Variants in RCAN2 observed in about 807,000 individuals in gnomAD.
RCAN2 encodes the protein regulator of calcineurin 2.
In RCAN2, 9 loss-of-function variants were observed where a neutral mutation model predicts 23.6. The observed-to-expected ratio is 0.38, with a 90% confidence interval of 0.23 to 0.67. The LOEUF (loss-of-function observed/expected upper bound fraction) is 0.67, where lower values mean the gene tolerates loss of function less well. Among genes scored for constraint, RCAN2 ranks in the 30% least tolerant of loss-of-function variants. The pLI is 0.51. For synonymous variants in RCAN2, 109 were observed against 115.7 expected (o/e 0.94, Z 0.37); for missense variants, 273 against 302.3 (o/e 0.90, Z 0.72).
At chr6:46,226,342 G>A (rs1415399095) in intron 4 of RCAN2, among the ~76,000 whole-genome samples, 1 of 152,168 alleles carries the variant, frequency 6.6e-6, no homozygotes, top group Non-Finnish European at 1.5e-5. Context: ...GTAGCTTGAT[G>A]GGGATGGCAT....
chr6:46,273,867 T>G (rs1160119104), intron 2 of RCAN2, among the ~76,000 whole-genome samples: 6 of 152,116 alleles, frequency 3.9e-5, no homozygotes, highest in Admixed American at 3.9e-4. Flanking sequence ...GATTCTTTTT[T>G]TTTTAAATCA....
chr6:46,491,510 C>T (rs1393546454), upstream of RCAN2: 2 of 152,212 alleles, frequency 1.3e-5, no homozygotes, highest in African/African-American at 4.8e-5. Context: ...GTCCCCAGCT[C>T]CGACTCATCG....
chr6:46,411,878 T>C lies in RCAN2; in HGVS notation c.225+44874A>G, dbSNP rs1020241055. On this transcript the variant is annotated intron_variant, in intron 2 of 4. Transcript: ENST00000371374. ...AGATAAAGTCTGAAAGATTGGCAGGTATGATCAGAGTACAGTTTGAATTTT... is the reference window on the plus strand; with the variant it reads ...AGATAAAGTCTGAAAGATTGGCAGGCATGATCAGAGTACAGTTTGAATTTT... Among the ~76,000 whole-genome samples, 51 of 152,142 alleles carry C rather than the reference T, an allele frequency of 3.4e-4. 1 individual carries two copies. The highest frequency in any genetic ancestry group is 4.4e-5 in the Non-Finnish European group (3 of 68,028).
At chr6:46,388,988 G>A (rs2150397363) in intron 2 of RCAN2, among the ~76,000 whole-genome samples, 2 of 152,198 alleles carry the variant, frequency 1.3e-5, no homozygotes, top group South Asian at 4.1e-4. Context: ...AAGAAGAGAT[G>A]TAAAACCTAT....
chr6:46,411,816 T>G (rs1196754661), intron 2 of RCAN2, among the ~76,000 whole-genome samples: 1 of 152,208 alleles, frequency 6.6e-6, no homozygotes, highest in African/African-American at 2.4e-5. Flanking sequence ...CAAAAAAAAT[T>G]ATGTGCAGAA....
chr6:46,419,766 A>C (rs1766821424), intron 2 of RCAN2, among the ~76,000 whole-genome samples: 1 of 152,228 alleles, frequency 6.6e-6, no homozygotes, highest in South Asian at 2.1e-4. Context: ...TCTTGGAAAG[A>C]AAGCCTCACG....
At chr6:46,280,561 A>G (rs1429905637) in intron 2 of RCAN2, among the ~76,000 whole-genome samples, 1 of 152,138 alleles carries the variant, frequency 6.6e-6, no homozygotes, top group Non-Finnish European at 1.5e-5. Flanking sequence ...CCAGATACCC[A>G]ATAACCATGT....
chr6:46,239,784 C>T (rs1219211411), intron 4 of RCAN2, among the ~76,000 whole-genome samples: 1 of 152,068 alleles, frequency 6.6e-6, no homozygotes, highest in African/African-American at 2.4e-5. Flanking sequence ...AGTATAAGAA[C>T]ATTTGCTTAT....
intron 2 of RCAN2, among the ~76,000 whole-genome samples, chr6:46,420,851 C>G (rs1201455480): frequency 1.3e-5 from 2 of 152,052 alleles, no homozygotes; most frequent in South Asian, 4.2e-4. Context: ...CCAGCCTGAT[C>G]AACTATTTTT....
intron 2 of RCAN2, among the ~76,000 whole-genome samples, chr6:46,451,409 A>C (rs184437849): frequency 1.3e-5 from 2 of 152,308 alleles, no homozygotes; most frequent in African/African-American, 4.8e-5. Context: ...GTAGCCTCTT[A>C]TCAGTTCAGG....
intron 2 of RCAN2, among the ~76,000 whole-genome samples, chr6:46,339,356 C>T (rs1416927767): frequency 6.6e-6 from 1 of 151,982 alleles, no homozygotes; most frequent in East Asian, 1.9e-4. Flanking sequence ...GAAGATTTCT[C>T]TAAGGAAGCC....
intron 2 of RCAN2, among the ~76,000 whole-genome samples, chr6:46,421,989 G>A (rs1047645462): frequency 5.3e-5 from 8 of 152,164 alleles, no homozygotes; most frequent in Non-Finnish European, 8.8e-5. Flanking sequence ...AGTGAGCTAC[G>A]TATAGGACCA....
chr6:46,298,846 C>G (rs1038535829), intron 2 of RCAN2, among the ~76,000 whole-genome samples: 2 of 151,998 alleles, frequency 1.3e-5, no homozygotes, highest in Non-Finnish European at 2.9e-5. Context: ...AGCAAAGACA[C>G]GTAATCAACC....
chr6:46,419,944 T>G (rs1766828932), intron 2 of RCAN2, among the ~76,000 whole-genome samples: 1 of 152,232 alleles, frequency 6.6e-6, no homozygotes, highest in South Asian at 2.1e-4. Context: ...TCATGTAGTC[T>G]TTTTACCCAA....
intron 2 of RCAN2, among the ~76,000 whole-genome samples, chr6:46,387,047 A>G (rs563021040): frequency 6.6e-6 from 1 of 152,356 alleles, no homozygotes; most frequent in Admixed American, 6.5e-5. Flanking sequence ...CGGGCTAGCC[A>G]TATGTAGAAA....
chr6:46,400,439 C>G (rs916073426), intron 2 of RCAN2, among the ~76,000 whole-genome samples: 7 of 152,136 alleles, frequency 4.6e-5, no homozygotes, highest in African/African-American at 1.7e-4. Context: ...GCTGCTGATG[C>G]TTTTTTTCTC....
chr6:46,357,721 T>C (rs1212212824), intron 2 of RCAN2, among the ~76,000 whole-genome samples: 1 of 152,226 alleles, frequency 6.6e-6, no homozygotes, highest in Non-Finnish European at 1.5e-5. Flanking sequence ...CTAGTACATG[T>C]TGAAGCTGGG....
intron 2 of RCAN2, among the ~76,000 whole-genome samples, chr6:46,372,502 C>A (rs1765349563): frequency 6.6e-6 from 1 of 152,136 alleles, no homozygotes; most frequent in Non-Finnish European, 1.5e-5. Context: ...GGACATAAAC[C>A]AAGACCAGCT....
chr6:46,450,557 T>G (rs1324403437), intron 2 of RCAN2, among the ~76,000 whole-genome samples: 1 of 152,008 alleles, frequency 6.6e-6, no homozygotes, highest in South Asian at 2.1e-4. Context: ...TGTTCATCAA[T>G]AGATGAATGG....
Sources: allele counts gnomAD v4.1 joint callset (sites outside exome capture counted in the v4.1 genomes callset), GRCh38; gene constraint gnomAD v4.1.1; transcripts MANE v1.5; gene names NCBI Gene and HGNC (gene_info 2026-07-23, HGNC 2026-07-21).